ADAMTSL1: variants seen among roughly 807,000 people sequenced by gnomAD.
The protein encoded by ADAMTSL1 is ADAMTS like 1, also known as ADAMTS-like protein 1.
In ADAMTSL1, 126 loss-of-function variants were observed where a neutral mutation model predicts 201.8. The observed-to-expected ratio is 0.62, with a 90% CI of 0.54 to 0.72. ADAMTSL1 has a LOEUF of 0.72. Ranked by LOEUF, ADAMTSL1 falls within the 30% of genes least tolerant of loss-of-function variation. ADAMTSL1 has a pLI of 0.00. For synonymous variants in ADAMTSL1, 1,121 were observed against 903.4 expected, an observed-to-expected ratio of 1.24 and a Z score of -4.32; for missense variants, 2,679 against 2,277.8, an observed-to-expected ratio of 1.18 and a Z score of -3.59.
chr9:18,660,491 G>C (rs1028954760), intron 8 of ADAMTSL1, among the ~76,000 whole-genome samples: 4 of 152,068 alleles, frequency 2.6e-5, no homozygotes, highest in Non-Finnish European at 5.9e-5. Context: ...AACAGGTTTA[G>C]GCTGACAAAT....
chr9:18,810,542 G>A (rs1167616032), intron 20 of ADAMTSL1, among the ~76,000 whole-genome samples: 1 of 152,208 alleles, frequency 6.6e-6, no homozygotes, highest in Non-Finnish European at 1.5e-5. Context: ...GCAGAGAAGA[G>A]TGAATATCAC....
At chr9:18,019,466 A>G (rs984063730) in intron 1 of ADAMTSL1, among the ~76,000 whole-genome samples, 1 of 152,134 alleles carries the variant, frequency 6.6e-6, no homozygotes, top group Non-Finnish European at 1.5e-5. Flanking sequence ...GAGAGATCAA[A>G]GGTAATGCCT....
At chr9:18,139,643 A>T (rs896703239) in intron 1 of ADAMTSL1, among the ~76,000 whole-genome samples, 1 of 152,192 alleles carries the variant, frequency 6.6e-6, no homozygotes, top group Non-Finnish European at 1.5e-5. Context: ...GCCATGCTAC[A>T]TATACAAAAT....
At position 18,223,131 on chromosome 9, in the gene ADAMTSL1, C is replaced by G. The variant is rs181460794; in HGVS notation, c.207+59150C>G. On this transcript the variant is annotated intron_variant, in intron 2 of 29. Transcript: ENST00000680146. ...TTTCCAGCCAATATCTCAAAATCTGCTTCTTCTTCATTATCAGTATTACAT... is the reference window on the plus strand; with the variant it reads ...TTTCCAGCCAATATCTCAAAATCTGGTTCTTCTTCATTATCAGTATTACAT... Among the ~76,000 whole-genome samples, 1,101 of 152,150 alleles carry G rather than the reference C, an allele frequency of 7.2e-3. 11 individuals are homozygous for G. The highest frequency in any genetic ancestry group is 0.012 in the Non-Finnish European group (849 of 67,956).
intron 2 of ADAMTSL1, among the ~76,000 whole-genome samples, chr9:18,295,981 G>T (rs758506648): frequency 1.1e-4 from 16 of 152,118 alleles, no homozygotes; most frequent in Admixed American, 2.0e-4. Flanking sequence ...AGTATTATGT[G>T]CCTCCTGGTA....
chr9:18,230,815 C>T (rs1223859027), intron 2 of ADAMTSL1, among the ~76,000 whole-genome samples: 1 of 152,024 alleles, frequency 6.6e-6, no homozygotes, highest in Non-Finnish European at 1.5e-5. Context: ...TTTTTAGGCA[C>T]CAGATGTTAA....
intron 23 of ADAMTSL1, among the ~76,000 whole-genome samples, chr9:18,843,178 G>T (rs1047219310): frequency 6.6e-6 from 1 of 150,854 alleles, no homozygotes; most frequent in Non-Finnish European, 1.5e-5. Flanking sequence ...GGTACCGGTT[G>T]TTCCTTTCCA....
intron 1 of ADAMTSL1, among the ~76,000 whole-genome samples, chr9:18,020,073 G>T (rs1222133379): frequency 2.0e-5 from 3 of 152,010 alleles, no homozygotes; most frequent in Non-Finnish European, 4.4e-5. Context: ...GAACTTTTCT[G>T]TTTAGTTTCC....
At chr9:18,007,801 T>A (rs1423511218) in intron 1 of ADAMTSL1, among the ~76,000 whole-genome samples, 3 of 151,862 alleles carry the variant, frequency 2.0e-5, no homozygotes, top group Non-Finnish European at 2.9e-5. Context: ...AAAAAAAAAA[T>A]TTCCCCTGGG....
intron 2 of ADAMTSL1, among the ~76,000 whole-genome samples, chr9:18,275,652 T>C (rs1234028542): frequency 6.6e-6 from 1 of 152,142 alleles, no homozygotes; most frequent in African/African-American, 2.4e-5. Context: ...ACATAGCATG[T>C]TTTTGAGGGC....
intron 1 of ADAMTSL1, among the ~76,000 whole-genome samples, chr9:18,152,966 G>A (rs1215257238): frequency 6.6e-6 from 1 of 151,872 alleles, no homozygotes; most frequent in Admixed American, 6.6e-5. Context: ...ATAAATTGTT[G>A]GTTTGGCCAA....
At chr9:18,350,515 T>C (rs1835920202) in intron 2 of ADAMTSL1, among the ~76,000 whole-genome samples, 1 of 89,612 alleles carries the variant, frequency 1.1e-5, no homozygotes, top group Non-Finnish European at 2.4e-5. Context: ...AGGAGAAAAC[T>C]TTTTTTTTCT....
At chr9:18,071,354 T>C (rs7874808) in intron 1 of ADAMTSL1, among the ~76,000 whole-genome samples, 81,817 of 151,724 alleles carry the variant, frequency 0.54, 22,199 homozygotes, top group African/African-American at 0.59. Flanking sequence ...TGTGTGTCTG[T>C]CTGTTCCTTA....
intron 14 of ADAMTSL1, among the ~76,000 whole-genome samples, chr9:18,707,920 G>A (rs1169953860): frequency 2.6e-5 from 4 of 152,138 alleles, no homozygotes; most frequent in East Asian, 1.9e-4. Context: ...TCAAGATTAC[G>A]AACTTTCTTC....
At chr9:18,568,477 T>C (rs938865282) in intron 3 of ADAMTSL1, among the ~76,000 whole-genome samples, 1 of 152,188 alleles carries the variant, frequency 6.6e-6, no homozygotes, top group Non-Finnish European at 1.5e-5. Context: ...ATTCCTAATA[T>C]TTTGAGGGTA....
chr9:18,268,823 T>C (rs1450776465), intron 2 of ADAMTSL1, among the ~76,000 whole-genome samples: 2 of 152,132 alleles, frequency 1.3e-5, no homozygotes, highest in Non-Finnish European at 2.9e-5. Flanking sequence ...TAAAAGCAAT[T>C]GGGTCATAGT....
At chr9:18,005,155 A>G (rs1013640382) in intron 1 of ADAMTSL1, among the ~76,000 whole-genome samples, 3 of 152,098 alleles carry the variant, frequency 2.0e-5, no homozygotes, top group Admixed American at 1.3e-4. Context: ...TATCATGGAA[A>G]GCTTCTTAGG....
At chr9:17,959,964 ATTAG>A (rs1050538484) in intron 1 of ADAMTSL1, among the ~76,000 whole-genome samples, 1 of 152,082 alleles carries the variant, frequency 6.6e-6, no homozygotes, top group Non-Finnish European at 1.5e-5. Context: ...AGGGTGGTGT[ATTAG>A]TTAGGATTAA....
intron 14 of ADAMTSL1, among the ~76,000 whole-genome samples, chr9:18,715,686 C>G (rs1312508287): frequency 6.6e-6 from 1 of 151,960 alleles, no homozygotes; most frequent in African/African-American, 2.4e-5. Flanking sequence ...GTTTCAATGC[C>G]ATCCCCATCA....
Sources: gnomAD v4.1 joint callset for allele counts (sites outside exome capture counted in the v4.1 genomes callset) on GRCh38, gnomAD v4.1.1 for gene constraint, MANE v1.5 for transcripts, NCBI Gene and HGNC (gene_info 2026-07-23, HGNC 2026-07-21) for gene names.